The following LPP variants were observed in gnomAD, a reference collection of about 807,000 sequenced individuals.
LPP encodes the protein lipoma-preferred partner.
In LPP, 38 loss-of-function variants were observed where a neutral mutation model predicts 60.4. That is an observed-to-expected ratio of 0.63 (90% CI 0.49 to 0.83). The LOEUF (loss-of-function observed/expected upper bound fraction) is 0.83. Among genes scored for constraint, LPP ranks in the 40% least tolerant of loss-of-function variants. LPP has a pLI of 0.00. For missense variants in LPP, 902 were observed against 783.6 expected, an observed-to-expected ratio of 1.15 and a Z score of -1.80; for synonymous variants, 328 against 290.8, an observed-to-expected ratio of 1.13 and a Z score of -1.30.
intron 1 of LPP, among the ~76,000 whole-genome samples, chr3:188,204,276 G>A (rs922553470): frequency 1.3e-5 from 2 of 152,030 alleles, no homozygotes; most frequent in African/African-American, 2.4e-5. Context: ...ACATAGATTG[G>A]GCTCATCCTG....
intron 2 of LPP, among the ~76,000 whole-genome samples, chr3:188,291,838 A>G (rs1020818616): frequency 1.3e-5 from 2 of 152,078 alleles, no homozygotes; most frequent in Non-Finnish European, 2.9e-5. Flanking sequence ...GAGAAGTGAA[A>G]TAAGTTTTCT....
chr3:188,568,038 A>G (rs961002252), intron 6 of LPP: 5 of 151,982 alleles, frequency 3.3e-5, no homozygotes, highest in African/African-American at 1.2e-4. Flanking sequence ...CACTTACTGG[A>G]CCCAATTGTT....
At chr3:188,230,797 G>A (rs1012461965) in intron 2 of LPP, among the ~76,000 whole-genome samples, 9 of 151,064 alleles carry the variant, frequency 6.0e-5, no homozygotes, top group African/African-American at 2.2e-4. Context: ...AAGAAAAAAA[G>A]CATTGATTAA....
chr3:188,718,077 T>C lies in LPP; in HGVS notation c.1240+9684T>C, dbSNP rs186278904. On this transcript the variant is annotated intron_variant, in intron 8 of 11. Transcript: ENST00000617246. ...CTCAGGTGATCCTCCTGCCTCGGCC[T>C]CCCAAAAGTGCTGGGATTACAGGCG... Among the ~76,000 whole-genome samples, 991 of 152,310 alleles carry C rather than the reference T, an allele frequency of 6.5e-3. 10 individuals carry two copies. Among genetic ancestry groups the C allele is most frequent in the African/African-American group, 0.023 (950 of 41,568 alleles).
intron 2 of LPP, among the ~76,000 whole-genome samples, chr3:188,255,918 A>G (rs919406324): frequency 2.6e-5 from 4 of 152,198 alleles, no homozygotes; most frequent in African/African-American, 9.7e-5. Context: ...ATTGATGCGA[A>G]CATCACACTG....
chr3:188,379,203 G>A (rs1776185022), intron 3 of LPP, among the ~76,000 whole-genome samples: 1 of 152,060 alleles, frequency 6.6e-6, no homozygotes, highest in Non-Finnish European at 1.5e-5. Context: ...TAGTTTAGTT[G>A]GTGAGGCAGC....
At chr3:188,480,003 T>C (rs1804331070) in intron 4 of LPP, among the ~76,000 whole-genome samples, 1 of 152,202 alleles carries the variant, frequency 6.6e-6, no homozygotes, top group Non-Finnish European at 1.5e-5. Context: ...CTGCGTTAGG[T>C]AGATGCCTTT....
At chr3:188,765,865 T>C (rs1041584540) in intron 9 of LPP, among the ~76,000 whole-genome samples, 21 of 61,058 alleles carry the variant, frequency 3.4e-4, no homozygotes, top group Non-Finnish European at 6.4e-4. Context: ...TCAACTCTTT[T>C]TTTTTTTTTT....
chr3:188,552,329 T>C (rs1192175485), intron 6 of LPP, among the ~76,000 whole-genome samples: 1 of 152,138 alleles, frequency 6.6e-6, no homozygotes, highest in Non-Finnish European at 1.5e-5. Context: ...CTGATTTAAC[T>C]GTCATCTGGA....
intron 2 of LPP, among the ~76,000 whole-genome samples, chr3:188,291,870 C>T (rs1746105419): frequency 6.6e-6 from 1 of 152,000 alleles, no homozygotes; most frequent in Non-Finnish European, 1.5e-5. Flanking sequence ...TGGATGCAAA[C>T]CCAGAACATT....
chr3:188,830,224 A>G (rs888365271), intron 9 of LPP, among the ~76,000 whole-genome samples: 1 of 151,630 alleles, frequency 6.6e-6, no homozygotes, highest in East Asian at 1.9e-4. Context: ...GAGGTTTTAC[A>G]TTGATTGTAA....
At chr3:188,654,901 T>C (rs1375215395) in intron 7 of LPP, among the ~76,000 whole-genome samples, 3 of 152,194 alleles carry the variant, frequency 2.0e-5, no homozygotes, top group African/African-American at 7.2e-5. Context: ...ATCCTAATCA[T>C]ACTAATACCA....
intron 5 of LPP, among the ~76,000 whole-genome samples, chr3:188,513,422 C>T (rs1010301759): frequency 1.3e-5 from 2 of 152,062 alleles, no homozygotes; most frequent in Admixed American, 6.6e-5. Context: ...AATGGGTTTC[C>T]GTGTCTGATT....
At chr3:188,435,123 T>G (rs1308224156) in intron 4 of LPP, among the ~76,000 whole-genome samples, 1 of 152,196 alleles carries the variant, frequency 6.6e-6, no homozygotes, top group African/African-American at 2.4e-5. Context: ...AATTTAATCT[T>G]ACTGGGAAGA....
intron 6 of LPP, among the ~76,000 whole-genome samples, chr3:188,550,945 G>A (rs1827966981): frequency 6.6e-6 from 1 of 152,008 alleles, no homozygotes; most frequent in African/African-American, 2.4e-5. Flanking sequence ...TGAACTTCAG[G>A]GAGCTTGTTT....
intron 9 of LPP, among the ~76,000 whole-genome samples, 170 bp downstream of exon 9, chr3:188,760,452 A>G (rs1475341219): frequency 2.3e-5 from 2 of 88,508 alleles, no homozygotes; most frequent in Non-Finnish European, 5.2e-5. Context: ...GCGCATGTAA[A>G]TTAGCATATT....
intron 2 of LPP, among the ~76,000 whole-genome samples, chr3:188,271,058 A>G (rs1737565900): frequency 6.6e-6 from 1 of 152,220 alleles, no homozygotes; most frequent in Non-Finnish European, 1.5e-5. Context: ...GGAATTCCCC[A>G]GTGAAAGCAT....
chr3:188,360,518 A>G (rs887226173), intron 3 of LPP, among the ~76,000 whole-genome samples: 2 of 151,554 alleles, frequency 1.3e-5, no homozygotes, highest in African/African-American at 2.4e-5. Context: ...TCTGAATTAC[A>G]TAACTTTTTT....
Position 188,792,131 on chromosome 3 carries a change from G to A in LPP, c.1410+31849G>A, listed in dbSNP as rs550936244. The stretch of plus-strand genomic sequence containing the variant: ...TCTGTTCTCTCAGCCCAAGCACCGT[G>A]TGTAGCCTAATCATGTATATCTATT... On this transcript the variant is annotated intron_variant, in intron 9 of 11. Coordinates refer to ENST00000617246, the MANE Select transcript of LPP (RefSeq NM_001375462.1). Among the ~76,000 whole-genome samples the A allele has an allele frequency of 5.3e-5, 8 of 152,312 alleles. 1 individual carries two copies. The East Asian group carries it at 9.6e-4, about 18-fold the overall frequency.
Sources: allele counts gnomAD v4.1 joint callset (sites outside exome capture counted in the v4.1 genomes callset), GRCh38; gene constraint gnomAD v4.1.1; transcripts MANE v1.5; gene names NCBI Gene and HGNC (gene_info 2026-07-23, HGNC 2026-07-21).